Variants in AGPAT3 observed in about 807,000 individuals in gnomAD.
AGPAT3 encodes 1-acylglycerol-3-phosphate O-acyltransferase 3, also known as 1-acyl-sn-glycerol-3-phosphate acyltransferase gamma.
In AGPAT3, 5 loss-of-function variants were observed where a neutral mutation model predicts 47.3. The ratio of observed to expected loss-of-function variants is 0.11; its 90% confidence interval spans 0.06 to 0.22. The LOEUF (loss-of-function observed/expected upper bound fraction) is 0.22, where lower values mean the gene tolerates loss of function less well. Among genes scored for constraint, AGPAT3 ranks in the 10% least tolerant of loss-of-function variants. The pLI, the probability that AGPAT3 is intolerant of heterozygous loss-of-function variation, is 1.00. For synonymous variants in AGPAT3, 212 were observed against 208.3 expected (o/e 1.02, Z -0.15); for missense variants, 315 against 493.0 (o/e 0.64, Z 3.42).
intron 1 of AGPAT3, among the ~76,000 whole-genome samples, chr21:43,900,241 A>C (rs535449441): frequency 1.5e-4 from 23 of 152,334 alleles, no homozygotes; most frequent in African/African-American, 4.8e-4. Context: ...GGAGAAGCCC[A>C]TTCTGGATGA....
chr21:43,952,627 C>G lies in AGPAT3; in HGVS notation c.-48-7007C>G, dbSNP rs139391929. On this transcript the variant is annotated intron_variant, in intron 2 of 9. Transcript: ENST00000291572. This position sits in a 1 kb window ranked among gnomAD's most constrained non-coding sequence, Gnocchi z 5.6. ...ACGCCCCAGGACCAAGATGTGCTGG[C>G]GCCAGGCTTCCGGGCAACCTAAATC... 1.2e-3 allele frequency among the ~76,000 whole-genome samples: 185 copies of G among 152,322 alleles called. No individual in the cohort carries two copies. Among genetic ancestry groups the G allele is most frequent in the Non-Finnish European group, 1.8e-3 (121 of 68,024 alleles).
intron 3 of AGPAT3, chr21:43,960,782 A>G: frequency 2.0e-6 from 2 of 984,958 alleles, no homozygotes; most frequent in Non-Finnish European, 2.4e-6. Context: ...AGTCCATAGT[A>G]TGCTATGATT....
At chr21:43,936,611 A>G (rs913058255) in intron 2 of AGPAT3, among the ~76,000 whole-genome samples, 4 of 152,218 alleles carry the variant, frequency 2.6e-5, no homozygotes, top group African/African-American at 4.8e-5. Flanking sequence ...CTCTGCCCCT[A>G]TAATACTTCT....
At position 43,939,290 on chromosome 21, in the gene AGPAT3, G is replaced by A. The variant is rs1369744788; in HGVS notation, c.-48-20344G>A. On this transcript the variant is annotated intron_variant, in intron 2 of 9. Coordinates refer to ENST00000291572, the MANE Select transcript of AGPAT3 (RefSeq NM_020132.5). This position sits in a 1 kb window ranked among gnomAD's most constrained non-coding sequence, Gnocchi z 4.4. Reference sequence around the variant, plus strand: ...GTGCTGTCGAGGGCCTCTAGCGGGCGCTCCCTTGATAACACCCCACCCCCG... The same window carrying A: ...GTGCTGTCGAGGGCCTCTAGCGGGCACTCCCTTGATAACACCCCACCCCCG... 1.3e-5 allele frequency among the ~76,000 whole-genome samples: 2 copies of A among 152,072 alleles called. No individual in the cohort carries two copies. Among genetic ancestry groups the A allele is most frequent in the African/African-American group, 4.8e-5 (2 of 41,398 alleles).
intron 1 of AGPAT3, among the ~76,000 whole-genome samples, chr21:43,881,401 G>A (rs1319857635): frequency 2.6e-5 from 4 of 152,220 alleles, no homozygotes; most frequent in Admixed American, 6.5e-5. Context: ...AAGGGAGGTG[G>A]GAAGGATGTC....
At chr21:43,884,458 C>T (rs1311106623) in intron 1 of AGPAT3, among the ~76,000 whole-genome samples, 2 of 152,140 alleles carry the variant, frequency 1.3e-5, no homozygotes, top group Admixed American at 6.5e-5. Context: ...CCGAAAGAGC[C>T]GCACAGTCCC....
intron 2 of AGPAT3, among the ~76,000 whole-genome samples, chr21:43,948,937 A>G (rs143921325): frequency 2.0e-5 from 3 of 152,310 alleles, no homozygotes; most frequent in Non-Finnish European, 4.4e-5. Flanking sequence ...GCTCCTAGTC[A>G]GTGAAGCATT....
intron 3 of AGPAT3, among the ~76,000 whole-genome samples, chr21:43,964,568 A>G (rs2089033396): frequency 6.6e-6 from 1 of 152,218 alleles, no homozygotes; most frequent in South Asian, 2.1e-4. Context: ...CCAAAGTATT[A>G]GAAAAAGATA....
At chr21:43,865,815 C>T (rs1250536225) in intron 1 of AGPAT3, among the ~76,000 whole-genome samples, 5 of 151,980 alleles carry the variant, frequency 3.3e-5, no homozygotes, top group African/African-American at 9.7e-5. Context: ...CGCCTGGTTT[C>T]GGGGCGCGGC....
chr21:43,910,440 A>G (rs2086606871), intron 2 of AGPAT3, among the ~76,000 whole-genome samples: 1 of 152,236 alleles, frequency 6.6e-6, no homozygotes. Context: ...AATTAGGTGA[A>G]GTCCTAATAC....
chr21:43,905,085 C>G (rs1278091249), intron 2 of AGPAT3, among the ~76,000 whole-genome samples: 1 of 152,110 alleles, frequency 6.6e-6, no homozygotes, highest in East Asian at 1.9e-4. Context: ...ACCATCTGAG[C>G]TGGGTGCTGA....
intron 2 of AGPAT3, among the ~76,000 whole-genome samples, chr21:43,935,938 C>A (rs1413973484): frequency 6.6e-6 from 1 of 152,218 alleles, no homozygotes; most frequent in East Asian, 1.9e-4. Context: ...CAGGCTTTTT[C>A]CCTGATGGCG....
chr21:43,985,210 G>A lies in AGPAT3; in HGVS notation c.*2818G>A, dbSNP rs1366915726. 2.2e-6 allele frequency: 1 copy of A among 456,184 alleles called. No homozygotes were observed. The highest frequency in any genetic ancestry group is 1.5e-5 in the South Asian group (1 of 64,572). The allele number at this position is 456,184 out of a possible 1,614,324, so 28.3% of individuals were successfully genotyped here. On this transcript the variant is annotated 3_prime_UTR_variant, in exon 10 of 10. Coordinates refer to ENST00000291572, the MANE Select transcript of AGPAT3 (RefSeq NM_020132.5). ...CCATCTTCCCAAGGATGCCATTGCT[G>A]TCTTCATCGTCTTCCCCCGTGTGAG...
At chr21:43,960,385 C>T (rs982218965) in intron 3 of AGPAT3, among the ~76,000 whole-genome samples, 1 of 152,198 alleles carries the variant, frequency 6.6e-6, no homozygotes, top group African/African-American at 2.4e-5. Flanking sequence ...TGGACAGAGA[C>T]TCAGAGGCTT....
rs192585035 is a variant in AGPAT3, at chr21:43,977,382, G to T, written c.768-664G>T. 5.3e-5 allele frequency among the ~76,000 whole-genome samples: 8 copies of T among 152,274 alleles called. No homozygotes were observed. The East Asian group carries it at 1.3e-3, about 26-fold the overall frequency. Reference sequence around the variant, plus strand: ...CATATTAAGAAAGACCAGAACTCTCGGGAGCGCACACATGACCACCCTTCT... The same window carrying T: ...CATATTAAGAAAGACCAGAACTCTCTGGAGCGCACACATGACCACCCTTCT... On this transcript the variant is annotated intron_variant, in intron 7 of 9. Coordinates refer to ENST00000291572, the MANE Select transcript of AGPAT3 (RefSeq NM_020132.5).
rs370413568 is a variant in AGPAT3 at position 43,978,037 on chromosome 21, A to G, written c.768-9A>G. 9 of 1,610,544 alleles carry G rather than the reference A, an allele frequency of 5.6e-6. No individual in the cohort carries two copies. Among genetic ancestry groups the G allele is most frequent in the Non-Finnish European group, 7.6e-6 (9 of 1,178,002 alleles). On this transcript the variant is annotated splice_polypyrimidine_tract_variant and intron_variant, in intron 7 of 9. Coordinates refer to ENST00000291572, the MANE Select transcript of AGPAT3 (RefSeq NM_020132.5). ...ATTCACCCTACCTTGAATCTTCTTC[A>G]TAAAACAGGAGATTTCCTCTGGAAG...
At chr21:43,959,082 T>TGTGTGTGTGGCATGTGTGTGGATTGC (rs1555909854) in intron 2 of AGPAT3, among the ~76,000 whole-genome samples, 1 of 121,986 alleles carries the variant, frequency 8.2e-6, no homozygotes. Flanking sequence ...GTGTGGTTTG[T>TGTGTGTGTGGCATGTGTGTGGATTGC]GGTGTGTGTG....
At chr21:43,869,731 T>G (rs949923602) in intron 1 of AGPAT3, among the ~76,000 whole-genome samples, 2 of 152,196 alleles carry the variant, frequency 1.3e-5, no homozygotes, top group African/African-American at 4.8e-5. Context: ...GTACCCGCTT[T>G]GGTCATTACC....
At chr21:43,931,477 G>A (rs1166436975) in intron 2 of AGPAT3, among the ~76,000 whole-genome samples, 1 of 152,148 alleles carries the variant, frequency 6.6e-6, no homozygotes, top group Non-Finnish European at 1.5e-5. Flanking sequence ...TCATGTCCAG[G>A]GAAATAATCA....
Sources: gnomAD v4.1 joint callset for allele counts (sites outside exome capture counted in the v4.1 genomes callset) on GRCh38, gnomAD v4.1.1 for gene constraint, Gnocchi (gnomAD v3.1) non-coding constraint, MANE v1.5 for transcripts, NCBI Gene and HGNC (gene_info 2026-07-23, HGNC 2026-07-21) for gene names.